TBC1D12: variants seen among roughly 807,000 people sequenced by gnomAD.
The protein encoded by TBC1D12 is TBC1 domain family, member 12.
Under a neutral mutation model 86.7 loss-of-function variants are expected in TBC1D12, and 56 were observed. The ratio of observed to expected loss-of-function variants is 0.65; its 90% CI spans 0.52 to 0.81. The LOEUF (loss-of-function observed/expected upper bound fraction) is 0.81. Ranked by LOEUF, TBC1D12 falls within the 30% of genes least tolerant of loss-of-function variation. The pLI is 0.00. For synonymous variants in TBC1D12, 421 were observed against 411.7 expected (o/e 1.02, Z -0.27); for missense variants, 1,023 against 1,038.8 (o/e 0.98, Z 0.21).
At chr10:94,431,775 T>G (rs546589358) in intron 1 of TBC1D12, among the ~76,000 whole-genome samples, 1 of 152,326 alleles carries the variant, frequency 6.6e-6, no homozygotes, top group South Asian at 2.1e-4. Flanking sequence ...CAGAGGTAAC[T>G]TGGCCTCCTA....
At chr10:94,411,683 T>TG (rs1197132788) in intron 1 of TBC1D12, among the ~76,000 whole-genome samples, 2 of 152,074 alleles carry the variant, frequency 1.3e-5, no homozygotes, top group Non-Finnish European at 1.5e-5. Context: ...TTTAGAAAGT[T>TG]GCGTGGTTGG....
chr10:94,407,007 C>T (rs895723898), intron 1 of TBC1D12, among the ~76,000 whole-genome samples: 3 of 151,968 alleles, frequency 2.0e-5, no homozygotes, highest in Admixed American at 2.0e-4. Flanking sequence ...CTTCCCACTT[C>T]GTTCTTCTCT....
intron 3 of TBC1D12, among the ~76,000 whole-genome samples, chr10:94,485,902 C>G (rs2056153342): frequency 1.3e-5 from 2 of 152,120 alleles, no homozygotes; most frequent in South Asian, 4.1e-4. Flanking sequence ...TATCGGCACA[C>G]AGTTGCTCAT....
chr10:94,414,568 C>T (rs1001269132), intron 1 of TBC1D12, among the ~76,000 whole-genome samples: 3 of 151,782 alleles, frequency 2.0e-5, no homozygotes, highest in African/African-American at 7.3e-5. Context: ...TCCCTGTCTC[C>T]CAGTGGCTTC....
chr10:94,412,656 C>T (rs903659573), intron 1 of TBC1D12, among the ~76,000 whole-genome samples: 4 of 152,134 alleles, frequency 2.6e-5, no homozygotes, highest in African/African-American at 9.7e-5. Context: ...GCATTTCATA[C>T]TTAGTATGTT....
intron 1 of TBC1D12, among the ~76,000 whole-genome samples, chr10:94,405,342 C>T (rs139309707): frequency 3.3e-5 from 5 of 152,154 alleles, no homozygotes; most frequent in African/African-American, 1.2e-4. Context: ...TTTCTTATTC[C>T]TCTTTCTAGT....
intron 7 of TBC1D12, among the ~76,000 whole-genome samples, chr10:94,508,167 G>A (rs1331449100): frequency 1.3e-5 from 2 of 151,030 alleles, no homozygotes; most frequent in African/African-American, 4.9e-5. Context: ...GCCCTTTCTT[G>A]CCTGTTTTCC....
intron 1 of TBC1D12, among the ~76,000 whole-genome samples, chr10:94,416,874 A>G (rs899334272): frequency 1.6e-4 from 25 of 152,242 alleles, no homozygotes; most frequent in African/African-American, 5.3e-4. Flanking sequence ...AATAACATAT[A>G]TATAGAATTA....
intron 1 of TBC1D12, among the ~76,000 whole-genome samples, chr10:94,440,990 C>T (rs2055372548): frequency 6.6e-6 from 1 of 152,154 alleles, no homozygotes; most frequent in African/African-American, 2.4e-5. Context: ...GCTGGAATTA[C>T]AGGTGCCCAC....
intron 9 of TBC1D12, among the ~76,000 whole-genome samples, chr10:94,514,936 C>G (rs2056571382): frequency 8.1e-6 from 1 of 122,786 alleles, no homozygotes; most frequent in Non-Finnish European, 1.6e-5. Context: ...GAGACGGAGT[C>G]TCACTCTGTC....
At chr10:94,528,508 T>G (rs1842351431) in intron 11 of TBC1D12, among the ~76,000 whole-genome samples, 1 of 152,160 alleles carries the variant, frequency 6.6e-6, no homozygotes, top group East Asian at 1.9e-4. Flanking sequence ...GATGGAGCAG[T>G]TGATCTTAAG....
At chr10:94,412,164 G>A (rs1271918329) in intron 1 of TBC1D12, among the ~76,000 whole-genome samples, 2 of 152,142 alleles carry the variant, frequency 1.3e-5, no homozygotes, top group African/African-American at 2.4e-5. Flanking sequence ...TCCATAAAAT[G>A]GGGATAATAA....
At position 94,500,267 on chromosome 10, in the gene TBC1D12, C is replaced by T; in HGVS notation, c.1459C>T (p.Pro487Ser). ...VRELWWQGLP[P>S]SVRGKVWSLA... ...AGAATTGTGGTGGCAGGGATTGCCC[C>T]CTAGTGTCCGTGGGAAAGTTTGGAG... The change falls in exon 6 of 13, where the codon CCT (proline) becomes TCT (serine). Residue 487 changes from proline to serine, a missense_variant. Coordinates refer to ENST00000225235, the MANE Select transcript of TBC1D12 (RefSeq NM_015188.2). The T allele has an allele frequency of 6.2e-7, 1 of 1,613,874 alleles. No individual in the cohort carries two copies. Among genetic ancestry groups the T allele is most frequent in the Non-Finnish European group, 8.5e-7 (1 of 1,179,898 alleles).
At chr10:94,420,256 G>A (rs1178251570) in intron 1 of TBC1D12, among the ~76,000 whole-genome samples, 2 of 152,190 alleles carry the variant, frequency 1.3e-5, no homozygotes, top group Non-Finnish European at 2.9e-5. Flanking sequence ...TCTGAAAACA[G>A]AAGAGACTCC....
intron 1 of TBC1D12, among the ~76,000 whole-genome samples, chr10:94,431,506 T>C (rs1005641864): frequency 1.3e-5 from 2 of 152,128 alleles, no homozygotes; most frequent in African/African-American, 4.8e-5. Context: ...TACTTTTCAA[T>C]TTATAAATAC....
chr10:94,495,734 G>T (rs11187984), intron 4 of TBC1D12, among the ~76,000 whole-genome samples: 60,208 of 149,988 alleles, frequency 0.4, 12,232 homozygotes, highest in East Asian at 0.69. Flanking sequence ...TTTTTTTTTT[G>T]TTGTTGGTAA....
At chr10:94,494,954 T>G (rs892887455) in intron 4 of TBC1D12, among the ~76,000 whole-genome samples, 3 of 151,908 alleles carry the variant, frequency 2.0e-5, no homozygotes, top group Non-Finnish European at 4.4e-5. Flanking sequence ...CTCGAATTCC[T>G]GGGCTCAAGC....
chr10:94,465,966 A>G (rs914081033), intron 2 of TBC1D12, among the ~76,000 whole-genome samples: 2 of 151,526 alleles, frequency 1.3e-5, no homozygotes, highest in Non-Finnish European at 2.9e-5. Flanking sequence ...ATATACATGT[A>G]TGTGTATATA....
chr10:94,489,563 G>A (rs2056218573), intron 3 of TBC1D12, among the ~76,000 whole-genome samples: 1 of 152,172 alleles, frequency 6.6e-6, no homozygotes, highest in Non-Finnish European at 1.5e-5. Flanking sequence ...GTGGACAACT[G>A]GTGCAGGCTT....
Sources: gnomAD v4.1 joint callset for allele counts (sites outside exome capture counted in the v4.1 genomes callset) on GRCh38, gnomAD v4.1.1 for gene constraint, MANE v1.5 for transcripts, NCBI Gene and HGNC (gene_info 2026-07-23, HGNC 2026-07-21) for gene names.